The following CADM2 variants were observed in gnomAD, a reference collection of about 807,000 sequenced individuals.
CADM2 encodes the protein cell adhesion molecule 2, also known as immunoglobulin superfamily member 4D.
A neutral mutation model predicts 49.8 loss-of-function variants in CADM2; 12 were observed. The observed-to-expected ratio is 0.24, with a 90% CI of 0.15 to 0.39. CADM2 has a LOEUF of 0.39. Ranked by LOEUF, CADM2 falls within the 10% of genes least tolerant of loss-of-function variation. The pLI is 1.00. For synonymous variants in CADM2, 214 were observed against 175.4 expected, an observed-to-expected ratio of 1.22 and a Z score of -1.74; for missense variants, 378 against 492.3, an observed-to-expected ratio of 0.77 and a Z score of 2.20.
At chr3:85,076,303 TTGTGTGTGTGTG>T (rs71108205) in intron 1 of CADM2, among the ~76,000 whole-genome samples, 1 of 139,256 alleles carries the variant, frequency 7.2e-6, no homozygotes, top group Admixed American at 7.4e-5. Context: ...AAAAAAGAAA[TTGTGTGTGTGTG>T]TGTGTGTGTG....
At chr3:85,454,640 A>G (rs1452492289) in intron 1 of CADM2, among the ~76,000 whole-genome samples, 3 of 152,042 alleles carry the variant, frequency 2.0e-5, no homozygotes, top group South Asian at 4.2e-4. Context: ...GACACAGTCA[A>G]TTTTTTTTGC....
At chr3:84,962,663 T>G (rs1434332529) in intron 1 of CADM2, among the ~76,000 whole-genome samples, 4 of 152,192 alleles carry the variant, frequency 2.6e-5, no homozygotes, top group Non-Finnish European at 5.9e-5. Context: ...CTAGTAGTTA[T>G]GACTAGGCAA....
intron 3 of CADM2, among the ~76,000 whole-genome samples, chr3:85,809,725 T>TTCCC (rs1191929262): frequency 3.5e-5 from 1 of 28,742 alleles, no homozygotes; most frequent in Non-Finnish European, 6.9e-5. Context: ...CCTTCGTTCC[T>TTCCC]TCCCTCCCTC....
chr3:85,823,662 A>G (rs762165769), intron 3 of CADM2, among the ~76,000 whole-genome samples: 42 of 152,180 alleles, frequency 2.8e-4, no homozygotes, highest in Non-Finnish European at 5.3e-4. Context: ...TATCACAGAC[A>G]TTTAATTTAC....
chr3:85,523,191 T>C (rs1031126021), intron 1 of CADM2, among the ~76,000 whole-genome samples: 1 of 152,084 alleles, frequency 6.6e-6, no homozygotes, highest in African/African-American at 2.4e-5. Flanking sequence ...GCAGAGCATC[T>C]TGGCAATAGA....
intron 1 of CADM2, among the ~76,000 whole-genome samples, chr3:85,371,693 A>ATATATATG (rs2033250464): frequency 1.4e-5 from 2 of 141,292 alleles, no homozygotes; most frequent in Non-Finnish European, 3.1e-5. Context: ...ATATATATAT[A>ATATATATG]TATATATATA....
At chr3:85,562,047 C>A (rs955220365) in intron 1 of CADM2, among the ~76,000 whole-genome samples, 3 of 152,008 alleles carry the variant, frequency 2.0e-5, no homozygotes, top group Admixed American at 6.6e-5. Flanking sequence ...AAGAACTTTC[C>A]ATAAAAGTTG....
intron 1 of CADM2, among the ~76,000 whole-genome samples, chr3:85,677,570 A>G (rs1422078042): frequency 6.6e-6 from 1 of 152,188 alleles, no homozygotes; most frequent in African/African-American, 2.4e-5. Flanking sequence ...TAAATGTTCA[A>G]TAAAGATTAC....
intron 8 of CADM2, among the ~76,000 whole-genome samples, chr3:86,006,766 C>T (rs1730843498): frequency 6.6e-6 from 1 of 151,980 alleles, no homozygotes; most frequent in Non-Finnish European, 1.5e-5. Context: ...ATTGGCTGGG[C>T]GTGGTGGCTC....
chr3:85,017,526 G>A (rs941618899), intron 1 of CADM2, among the ~76,000 whole-genome samples: 2 of 152,112 alleles, frequency 1.3e-5, no homozygotes, highest in Admixed American at 1.3e-4. Flanking sequence ...TCAGCCATAG[G>A]AAAAATTCTT....
At chr3:85,293,754 A>G (rs1361907881) in intron 1 of CADM2, among the ~76,000 whole-genome samples, 1 of 148,860 alleles carries the variant, frequency 6.7e-6, no homozygotes, top group Non-Finnish European at 1.5e-5. Flanking sequence ...CATGCTAAAA[A>G]CTCTCAATAA....
chr3:85,097,241 C>T (rs896030504), intron 1 of CADM2, among the ~76,000 whole-genome samples: 3 of 152,018 alleles, frequency 2.0e-5, no homozygotes, highest in Non-Finnish European at 4.4e-5. Flanking sequence ...TGAGTGAGAA[C>T]ATGCGGTGTT....
At chr3:85,857,421 G>A (rs2075359001) in intron 3 of CADM2, among the ~76,000 whole-genome samples, 1 of 152,162 alleles carries the variant, frequency 6.6e-6, no homozygotes, top group South Asian at 2.1e-4. Context: ...AAGGTTTAGA[G>A]AATACTTATG....
At position 85,227,336 on chromosome 3, in the gene CADM2, AG is replaced by A. The variant is rs550275012; in HGVS notation, c.61+267669del. ...TATAGGGTGCATATATATTTGAGACAGTTAGCTTTTCTTGTTGCTTTGATTC... is the reference window on the plus strand; with the variant it reads ...TATAGGGTGCATATATATTTGAGACATTAGCTTTTCTTGTTGCTTTGATTC... On this transcript the variant is annotated intron_variant, in intron 1 of 9. Coordinates refer to ENST00000383699, the MANE Select transcript of CADM2 (RefSeq NM_001167675.2). 3.5e-4 allele frequency among the ~76,000 whole-genome samples: 54 copies of A among 152,134 alleles called. 2 individuals are homozygous for A. The East Asian group carries it at 0.01, about 29-fold the overall frequency.
Position 84,969,188 on chromosome 3 carries a change from T to C in CADM2, c.61+9520T>C, listed in dbSNP as rs765179692. 1.2e-4 allele frequency among the ~76,000 whole-genome samples: 19 copies of C among 152,024 alleles called. 1 individual carries two copies. The highest frequency in any genetic ancestry group is 1.8e-4 in the Non-Finnish European group (12 of 67,908). On this transcript the variant is annotated intron_variant, in intron 1 of 9. Coordinates refer to ENST00000383699, the MANE Select transcript of CADM2 (RefSeq NM_001167675.2). ...GTCTTATGTCATAAGAAAATGGTGG[T>C]TTAATTTGTAACTGCAACTTGTGTC...
intron 1 of CADM2, among the ~76,000 whole-genome samples, chr3:85,469,961 G>A (rs1434208038): frequency 3.3e-5 from 5 of 152,220 alleles, no homozygotes; most frequent in East Asian, 1.9e-4. Context: ...GGAAAATAGC[G>A]TTTTTGGAAG....
At chr3:85,636,793 C>T (rs1160262474) in intron 1 of CADM2, among the ~76,000 whole-genome samples, 1 of 152,112 alleles carries the variant, frequency 6.6e-6, no homozygotes, top group Non-Finnish European at 1.5e-5. Flanking sequence ...TGATTGCCTA[C>T]AGTCTTCAAT....
chr3:86,008,160 A>G (rs1577932205), intron 8 of CADM2, among the ~76,000 whole-genome samples: 1 of 152,130 alleles, frequency 6.6e-6, no homozygotes, highest in Non-Finnish European at 1.5e-5. Context: ...ATTCTAAAGG[A>G]TAGTATTGCA....
rs139524668 is a variant in CADM2 at position 85,827,097 on chromosome 3, C to T, written c.238+24901C>T. 1.2e-3 allele frequency among the ~76,000 whole-genome samples: 186 copies of T among 151,928 alleles called. 1 individual carries two copies. The highest frequency in any genetic ancestry group is 4.2e-3 in the African/African-American group (174 of 41,498). ...AAACTGAATCAAGGATGCTGAAAAG[C>T]ACCATTAATACTGCCTTTTTCAATG... On this transcript the variant is annotated intron_variant, in intron 3 of 9. Transcript: ENST00000383699.
Sources: gnomAD v4.1 joint callset for allele counts (sites outside exome capture counted in the v4.1 genomes callset) on GRCh38, gnomAD v4.1.1 for gene constraint, MANE v1.5 for transcripts, NCBI Gene and HGNC (gene_info 2026-07-23, HGNC 2026-07-21) for gene names.